MRPS31: variants seen among roughly 807,000 people sequenced by gnomAD.
MRPS31 encodes the protein mitochondrial ribosomal protein S31, also known as small ribosomal subunit protein mS31.
A neutral mutation model predicts 43.1 loss-of-function variants in MRPS31; 32 were observed. The ratio of observed to expected loss-of-function variants is 0.74; its 90% CI spans 0.56 to 1.00. The LOEUF (loss-of-function observed/expected upper bound fraction) is 1.00, where lower values mean the gene tolerates loss of function less well. Among genes scored for constraint, MRPS31 ranks in the 50% least tolerant of loss-of-function variants. The probability of loss-of-function intolerance (pLI) is 0.00; values close to 1 mark genes in which losing one functional copy is unlikely to be tolerated. For synonymous variants in MRPS31, 165 were observed against 161.6 expected, an observed-to-expected ratio of 1.02 and a Z score of -0.16; for missense variants, 437 against 466.7, an observed-to-expected ratio of 0.94 and a Z score of 0.59.
rs540573663 is a variant in MRPS31, at chr13:40,749,127, T to C, written c.958+11A>G. On this transcript the variant is annotated intron_variant, in intron 6 of 6. Coordinates refer to ENST00000323563, the MANE Select transcript of MRPS31 (RefSeq NM_005830.4). ...CAATACGTTTTATAATCCCCTGAAA[T>C]TAACACTTACCTGCTTCATTGTTAA... 2 of 1,585,270 alleles carry C rather than the reference T, an allele frequency of 1.3e-6. No individual in the cohort carries two copies. Among genetic ancestry groups the C allele is most frequent in the East Asian group, 4.6e-5 (2 of 43,094 alleles).
chr13:40,730,076 G>A (rs1427584924), intron 6 of MRPS31, among the ~76,000 whole-genome samples: 1 of 151,808 alleles, frequency 6.6e-6, no homozygotes, highest in Non-Finnish European at 1.5e-5. Context: ...CAGTGACTTT[G>A]GACTAATTAA....
intron 6 of MRPS31, among the ~76,000 whole-genome samples, chr13:40,735,654 C>T (rs1181059311): frequency 6.6e-6 from 1 of 152,034 alleles, no homozygotes; most frequent in African/African-American, 2.4e-5. Flanking sequence ...CTGGGAGGCA[C>T]CCACCAGCAG....
At chr13:40,754,982 C>T (rs533776506) in intron 4 of MRPS31, among the ~76,000 whole-genome samples, 5 of 152,242 alleles carry the variant, frequency 3.3e-5, no homozygotes, top group African/African-American at 4.8e-5. Context: ...TGCAGTGAGC[C>T]GACATTGTGC....
At chr13:40,736,836 T>G (rs1165973282) in intron 6 of MRPS31, among the ~76,000 whole-genome samples, 1 of 149,860 alleles carries the variant, frequency 6.7e-6, no homozygotes, top group African/African-American at 2.5e-5. Context: ...CATGCCAAAA[T>G]GTAAAGACCA....
At chr13:40,768,205 TA>T (rs1880904069) in intron 1 of MRPS31, among the ~76,000 whole-genome samples, 1 of 152,218 alleles carries the variant, frequency 6.6e-6, no homozygotes, top group South Asian at 2.1e-4. Context: ...GAGGGTATAT[TA>T]AAAAATTATT....
intron 1 of MRPS31, among the ~76,000 whole-genome samples, chr13:40,770,173 T>C (rs951286172): frequency 2.0e-5 from 3 of 152,206 alleles, no homozygotes; most frequent in African/African-American, 4.8e-5. Context: ...TCACATCCCT[T>C]TAATTCTACC....
intron 6 of MRPS31, among the ~76,000 whole-genome samples, chr13:40,733,542 A>G (rs1174447473): frequency 6.6e-6 from 1 of 152,220 alleles, no homozygotes; most frequent in Non-Finnish European, 1.5e-5. Flanking sequence ...CTTTCCAAGG[A>G]TAACCCTCCT....
intron 6 of MRPS31, 86 bp downstream of exon 6, chr13:40,749,052 T>G: frequency 1.5e-6 from 2 of 1,343,352 alleles, no homozygotes; most frequent in Non-Finnish European, 1.0e-6. Flanking sequence ...TTGAAATTCA[T>G]GTAAGTATCT....
chr13:40,761,274 A>C (rs1880688054), intron 2 of MRPS31, among the ~76,000 whole-genome samples: 3 of 151,930 alleles, frequency 2.0e-5, no homozygotes. Flanking sequence ...CTCCAAAAAA[A>C]AAAAGAAAAG....
At chr13:40,735,789 A>G (rs1240151560) in intron 6 of MRPS31, among the ~76,000 whole-genome samples, 1 of 150,508 alleles carries the variant, frequency 6.6e-6, no homozygotes, top group Non-Finnish European at 1.5e-5. Context: ...GTACATCACC[A>G]TCATCAAAGA....
At chr13:40,755,549 T>C (rs958756969) in intron 4 of MRPS31, among the ~76,000 whole-genome samples, 1 of 152,168 alleles carries the variant, frequency 6.6e-6, no homozygotes, top group Non-Finnish European at 1.5e-5. Flanking sequence ...GTCACAGAAT[T>C]AGTCAGTGGC....
At chr13:40,754,867 A>G (rs1156350481) in intron 4 of MRPS31, among the ~76,000 whole-genome samples, 3 of 152,152 alleles carry the variant, frequency 2.0e-5, no homozygotes, top group African/African-American at 7.2e-5. Flanking sequence ...CGTCTCTACT[A>G]AAAACACACA....
chr13:40,761,002 C>T (rs908543580), intron 2 of MRPS31, among the ~76,000 whole-genome samples: 3 of 151,794 alleles, frequency 2.0e-5, no homozygotes, highest in Non-Finnish European at 4.4e-5. Flanking sequence ...GGGTCGGGCA[C>T]GGTGGCTCAT....
At chr13:40,755,688 C>T (rs1341410792) in intron 4 of MRPS31, among the ~76,000 whole-genome samples, 1 of 152,166 alleles carries the variant, frequency 6.6e-6, no homozygotes, top group Non-Finnish European at 1.5e-5. Flanking sequence ...AAAAACTTGG[C>T]GTCTCACCAT....
chr13:40,770,131 A>G (rs1482368496), intron 1 of MRPS31, among the ~76,000 whole-genome samples: 2 of 152,188 alleles, frequency 1.3e-5, no homozygotes, highest in Non-Finnish European at 2.9e-5. Flanking sequence ...AATTTTTGCT[A>G]TCTCTGACTA....
chr13:40,732,957 A>AAC (rs1879744190), intron 6 of MRPS31, among the ~76,000 whole-genome samples: 1 of 151,006 alleles, frequency 6.6e-6, no homozygotes. Context: ...AAAAAAATCT[A>AAC]ACACTAAAAA....
intron 6 of MRPS31, among the ~76,000 whole-genome samples, chr13:40,734,537 A>C (rs1478420159): frequency 6.6e-6 from 1 of 152,234 alleles, no homozygotes; most frequent in Non-Finnish European, 1.5e-5. Context: ...AATAGGAAGA[A>C]AAATAAAGCA....
rs567622797 is a variant in MRPS31 at position 40,749,208 on chromosome 13, A to G, written c.888T>C (p.Asn296=). The part of the protein sequence containing the change: ...LATVNEQPLQ[N]GFEELIQWTK... ...TCCACTGGATCAGCTCTTCAAATCC[A>G]TTCTGAAGGGGTTGTTCATTTACTG... Residue 296 remains asparagine (N), a synonymous_variant, in exon 6 of 7, where the codon AAT becomes AAC. Transcript: ENST00000323563. 1 of 1,601,368 alleles carries G rather than the reference A, an allele frequency of 6.2e-7. No homozygotes were observed. Among genetic ancestry groups the G allele is most frequent in the East Asian group, 2.3e-5 (1 of 44,058 alleles).
At chr13:40,759,980 T>C (rs1337127636) in intron 2 of MRPS31, among the ~76,000 whole-genome samples, 18 of 151,804 alleles carry the variant, frequency 1.2e-4, no homozygotes, top group Admixed American at 1.2e-3. Context: ...ATATAAAATA[T>C]AAAAATTAGC....
Sources: gnomAD v4.1 joint callset for allele counts (sites outside exome capture counted in the v4.1 genomes callset) on GRCh38, gnomAD v4.1.1 for gene constraint, MANE v1.5 for transcripts, NCBI Gene and HGNC (gene_info 2026-07-23, HGNC 2026-07-21) for gene names.